Variants in MKLN1 observed in about 807,000 individuals in gnomAD.
MKLN1 encodes muskelin.
MKLN1 carries 18 observed loss-of-function variants against 99.0 expected under a neutral mutation model. The ratio of observed to expected loss-of-function variants is 0.18; its 90% CI spans 0.13 to 0.27. The LOEUF (loss-of-function observed/expected upper bound fraction) is 0.27. MKLN1 is among the 10% of genes least tolerant of loss of function. The pLI is 1.00. For synonymous variants in MKLN1, 288 were observed against 293.2 expected, an observed-to-expected ratio of 0.98 and a Z score of 0.18; for missense variants, 621 against 875.9, an observed-to-expected ratio of 0.71 and a Z score of 3.67.
At chr7:131,133,819 GGTTTTTTTTTT>G (rs1795603452) in intron 1 of MKLN1, among the ~76,000 whole-genome samples, 2 of 67,236 alleles carry the variant, frequency 3.0e-5, no homozygotes, top group South Asian at 4.0e-4. Context: ...TTTTTAATTT[GGTTTTTTTTTT>G]TTTTTTTTTT....
chr7:131,241,635 G>A (rs1797405566), intron 3 of MKLN1, among the ~76,000 whole-genome samples: 1 of 152,198 alleles, frequency 6.6e-6, no homozygotes, highest in Admixed American at 6.5e-5. Flanking sequence ...TCCAGCCTGG[G>A]TGAGATCTTG....
At chr7:131,223,725 G>C (rs1797094634) in intron 3 of MKLN1, among the ~76,000 whole-genome samples, 1 of 152,130 alleles carries the variant, frequency 6.6e-6, no homozygotes, top group Non-Finnish European at 1.5e-5. Flanking sequence ...TCACTTCTGA[G>C]TTACAGCCTC....
chr7:131,175,388 TAGTC>T (rs1181071241), intron 2 of MKLN1, among the ~76,000 whole-genome samples: 2 of 152,310 alleles, frequency 1.3e-5, no homozygotes, highest in East Asian at 1.9e-4. Flanking sequence ...GTGCAGAAGT[TAGTC>T]AGGTCATTCT....
chr7:131,370,735 GT>G (rs561158472), intron 1 of MKLN1, among the ~76,000 whole-genome samples: 5 of 152,182 alleles, frequency 3.3e-5, no homozygotes, highest in Non-Finnish European at 5.9e-5. Context: ...GAAGGTCTTA[GT>G]GGGGTAGGGA....
intron 6 of MKLN1, among the ~76,000 whole-genome samples, chr7:131,400,699 C>G (rs1416031096): frequency 6.6e-6 from 1 of 151,680 alleles, no homozygotes; most frequent in African/African-American, 2.4e-5. Context: ...ACAGGCAACT[C>G]TACAGTTAAT....
intron 2 of MKLN1, among the ~76,000 whole-genome samples, chr7:131,152,239 T>C (rs1795898210): frequency 6.6e-6 from 1 of 152,064 alleles, no homozygotes; most frequent in Non-Finnish European, 1.5e-5. Context: ...GGAGGATCAT[T>C]TGAGCCCAGG....
chr7:131,297,247 G>A (rs34752502), intron 3 of MKLN1, among the ~76,000 whole-genome samples: 11,560 of 152,016 alleles, frequency 0.076, 588 homozygotes, highest in African/African-American at 0.15. Flanking sequence ...TGTAGTTCCC[G>A]CTACTTGGGA....
chr7:131,363,867 T>C (rs1291788710), intron 1 of MKLN1, among the ~76,000 whole-genome samples: 16 of 152,158 alleles, frequency 1.1e-4, no homozygotes, highest in East Asian at 1.9e-4. Flanking sequence ...TATTTTCTGC[T>C]GCTTGTCATT....
intron 12 of MKLN1, among the ~76,000 whole-genome samples, chr7:131,451,779 G>C (rs763703213): frequency 1.3e-5 from 2 of 152,168 alleles, no homozygotes; most frequent in African/African-American, 2.4e-5. Flanking sequence ...GTGAACACAA[G>C]GGGTTTAGCA....
At chr7:131,427,710 C>T (rs1190082924) in intron 8 of MKLN1, among the ~76,000 whole-genome samples, 3 of 152,118 alleles carry the variant, frequency 2.0e-5, no homozygotes, top group African/African-American at 7.2e-5. Flanking sequence ...CCCGTCACCA[C>T]ACCTGCCTAA....
rs963681456 is a variant in MKLN1 at position 131,170,845 on chromosome 7, G to T, written c.-297+27904G>T. ...AATTCTTAGGAGAGTGCATGAAAAC[G>T]CTGAAGTACTTCATCATAGTACATT... is the stretch of plus-strand genomic sequence containing the variant. On this transcript the variant is annotated intron_variant, in intron 2 of 7. Transcript: ENST00000416992. Among the ~76,000 whole-genome samples the T allele has an allele frequency of 5.9e-5, 9 of 152,134 alleles. 1 individual carries two copies. The highest frequency in any genetic ancestry group is 1.9e-4 in the African/African-American group (8 of 41,432).
chr7:131,340,489 G>A (rs540227910), intron 1 of MKLN1, among the ~76,000 whole-genome samples: 71 of 152,136 alleles, frequency 4.7e-4, no homozygotes, highest in Non-Finnish European at 7.5e-4. Flanking sequence ...ATGTTGGCCA[G>A]GCTGGTCTCA....
intron 6 of MKLN1, among the ~76,000 whole-genome samples, chr7:131,405,847 A>G (rs938252947): frequency 9.2e-5 from 14 of 152,062 alleles, no homozygotes; most frequent in Non-Finnish European, 1.6e-4. Flanking sequence ...CAGCTTATTC[A>G]ATTTTTATAA....
At chr7:131,435,745 C>T (rs1795659337) in intron 9 of MKLN1, among the ~76,000 whole-genome samples, 1 of 151,994 alleles carries the variant, frequency 6.6e-6, no homozygotes, top group Admixed American at 6.6e-5. Flanking sequence ...ATCTTGCTTT[C>T]ATTTCTGGTA....
At position 131,437,729 on chromosome 7, in the gene MKLN1, T is replaced by A. The variant is rs551501156; in HGVS notation, c.961-56T>A. 4.4e-5 allele frequency: 58 copies of A among 1,320,378 alleles called. No homozygotes were observed. The African/African-American group carries it at 7.8e-4, about 18-fold the overall frequency. 81.8% of individuals were successfully genotyped at this position (1,320,378 alleles called of 1,614,324 possible). ...TTTAATTTTTCTATTATTTGTTCTT[T>A]GATTTTTTTTTGCTCTTTATTTGTT... On this transcript the variant is annotated intron_variant, in intron 9 of 17. Transcript: ENST00000352689.
chr7:131,246,862 G>C (rs2062455594), intron 3 of MKLN1, among the ~76,000 whole-genome samples: 1 of 152,168 alleles, frequency 6.6e-6, no homozygotes, highest in Non-Finnish European at 1.5e-5. Context: ...ATCTGAGCAA[G>C]CTGCTTTGCT....
Position 131,487,767 on chromosome 7 carries a change from C to A in MKLN1, c.*39C>A. On this transcript the variant is annotated 3_prime_UTR_variant, in exon 18 of 18. Transcript: ENST00000352689. This position sits in a 1 kb window ranked among gnomAD's most constrained non-coding sequence, Gnocchi z 4.7. ...GGACACAGAAATGGAAAACAGGAGT[C>A]GATTTTCCGTCTTTTGGATTGCAGC... is the stretch of plus-strand genomic sequence containing the variant. 6.2e-7 allele frequency: 1 copy of A among 1,601,148 alleles called. No individual in the cohort carries two copies. Among genetic ancestry groups the A allele is most frequent in the South Asian group, 1.1e-5 (1 of 89,116 alleles).
intron 3 of MKLN1, among the ~76,000 whole-genome samples, chr7:131,250,000 G>A (rs1237016084): frequency 6.6e-6 from 1 of 152,202 alleles, no homozygotes; most frequent in African/African-American, 2.4e-5. Context: ...TGTGAAGATT[G>A]GATGCAAAGA....
intron 8 of MKLN1, among the ~76,000 whole-genome samples, chr7:131,421,383 A>G (rs1007578120): frequency 2.6e-5 from 4 of 152,300 alleles, no homozygotes; most frequent in East Asian, 1.9e-4. Flanking sequence ...TTTATCATCA[A>G]TCTTTGAAAG....
Sources: allele counts gnomAD v4.1 joint callset (sites outside exome capture counted in the v4.1 genomes callset), GRCh38; gene constraint gnomAD v4.1.1; non-coding constraint Gnocchi (gnomAD v3.1); transcripts MANE v1.5; gene names NCBI Gene and HGNC (gene_info 2026-07-23, HGNC 2026-07-21).